PEPD: variants seen among roughly 807,000 people sequenced by gnomAD.
PEPD encodes the protein peptidase D, also known as xaa-Pro dipeptidase.
PEPD carries 53 observed loss-of-function variants against 60.7 expected under a neutral mutation model. That is an observed-to-expected ratio of 0.87 (90% CI 0.70 to 1.10). The LOEUF (loss-of-function observed/expected upper bound fraction) is 1.10, where lower values mean the gene tolerates loss of function less well. Among genes scored for constraint, PEPD ranks in the 50% least tolerant of loss-of-function variants. The pLI is 0.00. For missense variants in PEPD, 711 were observed against 711.9 expected, an observed-to-expected ratio of 1.00 and a Z score of 0.01; for synonymous variants, 267 against 284.1, an observed-to-expected ratio of 0.94 and a Z score of 0.60.
intron 9 of PEPD, among the ~76,000 whole-genome samples, chr19:33,414,946 G>A (rs949466615): frequency 2.6e-5 from 4 of 152,168 alleles, no homozygotes; most frequent in East Asian, 1.9e-4. Flanking sequence ...TGGTGCAAGC[G>A]CTCAGGAGGC....
rs895916630 is a variant in PEPD, at chr19:33,391,992, A to T, written c.968-513T>A. The stretch of plus-strand genomic sequence containing the variant: ...AGTGGGGAAGCCCGAGGCTGAAAAG[A>T]GGGGTCCCTGCACATCCCAGAATGG... On this transcript the variant is annotated intron_variant, in intron 12 of 14. Coordinates refer to ENST00000244137, the MANE Select transcript of PEPD (RefSeq NM_000285.4). Among the ~76,000 whole-genome samples, 2 of 152,196 alleles carry T rather than the reference A, an allele frequency of 1.3e-5. 1 individual carries two copies. The highest frequency in any genetic ancestry group is 4.1e-4 in the South Asian group (2 of 4,832).
intron 4 of PEPD, among the ~76,000 whole-genome samples, chr19:33,499,755 CAT>C (rs1224009782): frequency 6.6e-6 from 1 of 152,180 alleles, no homozygotes; most frequent in Non-Finnish European, 1.5e-5. Flanking sequence ...AAATGGAAAA[CAT>C]ATTCCAGGAC....
At chr19:33,505,012 G>C (rs977766188) in intron 3 of PEPD, among the ~76,000 whole-genome samples, 2 of 152,168 alleles carry the variant, frequency 1.3e-5, no homozygotes, top group African/African-American at 4.8e-5. Context: ...ACTCTGCAGT[G>C]ACTGCCAGCA....
At chr19:33,403,053 G>A (rs1489298498) in intron 11 of PEPD, among the ~76,000 whole-genome samples, 1 of 152,210 alleles carries the variant, frequency 6.6e-6, no homozygotes, top group Non-Finnish European at 1.5e-5. Context: ...ACAGGATACG[G>A]GAAGGGCTGC....
At chr19:33,408,187 G>T (rs74517406) in intron 11 of PEPD, among the ~76,000 whole-genome samples, 6,358 of 152,338 alleles carry the variant, frequency 0.042, 163 homozygotes, top group African/African-American at 0.071. Flanking sequence ...TTGGGTCGAA[G>T]ACACGGAACA....
At chr19:33,437,352 A>G (rs1035459601) in intron 9 of PEPD, among the ~76,000 whole-genome samples, 2 of 151,926 alleles carry the variant, frequency 1.3e-5, no homozygotes, top group South Asian at 4.2e-4. Context: ...TTTGTCCCCA[A>G]GTATTTGGCA....
intron 7 of PEPD, among the ~76,000 whole-genome samples, chr19:33,474,306 G>A (rs1312480365): frequency 1.3e-5 from 2 of 152,178 alleles, no homozygotes; most frequent in African/African-American, 4.8e-5. Context: ...CATTTTCTTG[G>A]GCAAGTCACT....
intron 9 of PEPD, among the ~76,000 whole-genome samples, chr19:33,419,459 C>A (rs949281997): frequency 1.3e-5 from 2 of 152,184 alleles, no homozygotes; most frequent in South Asian, 2.1e-4. Flanking sequence ...AGGGATCTTC[C>A]CACTGCACAG....
intron 9 of PEPD, among the ~76,000 whole-genome samples, chr19:33,427,946 T>C (rs1221792285): frequency 3.3e-5 from 5 of 151,918 alleles, no homozygotes; most frequent in Admixed American, 3.3e-4. Context: ...ACGGTGCCTG[T>C]AGGCAACCCA....
chr19:33,452,728 T>TA (rs1439709683), intron 9 of PEPD, among the ~76,000 whole-genome samples: 1 of 152,186 alleles, frequency 6.6e-6, no homozygotes, highest in Non-Finnish European at 1.5e-5. Context: ...AAAACATACT[T>TA]ACTGACTCTA....
intron 9 of PEPD, among the ~76,000 whole-genome samples, chr19:33,419,894 G>A (rs1968975642): frequency 6.6e-6 from 1 of 152,164 alleles, no homozygotes. Flanking sequence ...CCGCCCAGAA[G>A]GGGGGATCCG....
chr19:33,494,177 C>A (rs1970552878), intron 4 of PEPD, among the ~76,000 whole-genome samples: 1 of 152,202 alleles, frequency 6.6e-6, no homozygotes, highest in South Asian at 2.1e-4. Flanking sequence ...TGCATCTTGG[C>A]TACTGCAGAC....
intron 9 of PEPD, among the ~76,000 whole-genome samples, chr19:33,447,057 T>G (rs1427987925): frequency 2.0e-5 from 3 of 152,178 alleles, no homozygotes; most frequent in Non-Finnish European, 4.4e-5. Context: ...GTAGCTATGG[T>G]GCACTTCGCC....
intron 1 of PEPD, among the ~76,000 whole-genome samples, chr19:33,520,851 G>A (rs1322775331): frequency 1.3e-5 from 2 of 152,036 alleles, no homozygotes; most frequent in East Asian, 3.9e-4. Flanking sequence ...GCTCAGGGGA[G>A]CCTAATCTTT....
chr19:33,406,320 G>A (rs1263387870), intron 11 of PEPD, among the ~76,000 whole-genome samples: 2 of 152,210 alleles, frequency 1.3e-5, no homozygotes, highest in Non-Finnish European at 2.9e-5. Context: ...GAGACAAACC[G>A]AAAACGCGTG....
chr19:33,387,390 A>G lies in PEPD; in HGVS notation c.1436T>C (p.Met479Thr). Residue 479 changes from methionine (M) to threonine (T), a missense_variant, in exon 15 of 15, where the codon ATG (methionine) becomes ACG (threonine). Physicochemically the swap from Met to Thr is moderately conservative, Grantham distance 81. Transcript: ENST00000244137. ...GGTAAAGGCCTTGTCACAGCCTGCCATGCATGCTTCAATCTCTTCCACAGT... is the reference window on the plus strand; with the variant it reads ...GGTAAAGGCCTTGTCACAGCCTGCCGTGCATGCTTCAATCTCTTCCACAGT... ...PRTVEEIEAC[M>T]AGCDKAFTPF... 1 of 1,614,094 alleles carries G rather than the reference A, an allele frequency of 6.2e-7. No individual in the cohort carries two copies. Among genetic ancestry groups the G allele is most frequent in the South Asian group, 1.1e-5 (1 of 91,092 alleles).
At chr19:33,486,867 TG>T (rs148998380) in intron 6 of PEPD, 18 of 152,782 alleles carry the variant, frequency 1.2e-4, no homozygotes, top group Non-Finnish European at 2.5e-4. Context: ...TAAGGGGAGC[TG>T]GGGGGGCCCA....
chr19:33,434,698 G>A (rs1355214084), intron 9 of PEPD, among the ~76,000 whole-genome samples: 2 of 152,158 alleles, frequency 1.3e-5, no homozygotes, highest in African/African-American at 2.4e-5. Flanking sequence ...CATTTACTGG[G>A]TGGGGAGAAA....
At chr19:33,462,421 T>C (rs1265172655) in intron 9 of PEPD, among the ~76,000 whole-genome samples, 1 of 152,160 alleles carries the variant, frequency 6.6e-6, no homozygotes, top group Non-Finnish European at 1.5e-5. Context: ...GGTTTCCTTG[T>C]ACCATGGGTG....
Sources: allele counts gnomAD v4.1 joint callset (sites outside exome capture counted in the v4.1 genomes callset), GRCh38; gene constraint gnomAD v4.1.1; transcripts MANE v1.5; gene names NCBI Gene and HGNC (gene_info 2026-07-23, HGNC 2026-07-21).